Variants in NCK1 observed in about 807,000 individuals in gnomAD.
NCK1 encodes the protein SH2/SH3 adapter protein NCK1.
In NCK1, 19 loss-of-function variants were observed where a neutral mutation model predicts 36.6. That is an observed-to-expected ratio of 0.52 (90% CI 0.36 to 0.76). NCK1 has a LOEUF of 0.76. Ranked by LOEUF, NCK1 falls within the 30% of genes least tolerant of loss-of-function variation. NCK1 has a pLI of 0.00. For missense variants in NCK1, 358 were observed against 445.6 expected (o/e 0.80, Z 1.77); for synonymous variants, 165 against 156.0 (o/e 1.06, Z -0.43).
intron 2 of NCK1, among the ~76,000 whole-genome samples, chr3:136,930,187 G>A (rs377708301): frequency 7.9e-5 from 12 of 152,102 alleles, no homozygotes; most frequent in Middle Eastern, 3.4e-3. Context: ...GATTTGTTTC[G>A]CAATGGTTGT....
chr3:136,900,744 T>C (rs978961380), intron 1 of NCK1, among the ~76,000 whole-genome samples: 4 of 152,196 alleles, frequency 2.6e-5, no homozygotes, highest in African/African-American at 9.7e-5. Context: ...TGGATGCATA[T>C]TGATTTATGT....
intron 1 of NCK1, among the ~76,000 whole-genome samples, chr3:136,890,341 G>A (rs1436328628): frequency 3.3e-5 from 5 of 151,436 alleles, no homozygotes; most frequent in Non-Finnish European, 5.9e-5. Context: ...CAGCTGGCCC[G>A]CCAGCGTTGC....
rs115181303 is a variant in NCK1, at chr3:136,877,646, A to G, written c.-19+15293A>G. Among the ~76,000 whole-genome samples, 438 of 152,346 alleles carry G rather than the reference A, an allele frequency of 2.9e-3. 3 individuals are homozygous for G. The highest frequency in any genetic ancestry group is 0.01 in the African/African-American group (418 of 41,588). ...AGGATACTTTTAGAAGATTTGAACT[A>G]CACAGGTAAAGAGAATAAAGAAAAG... On this transcript the variant is annotated intron_variant, in intron 1 of 3. Coordinates refer to ENST00000481752, the MANE Select transcript of NCK1 (RefSeq NM_001291999.2).
At chr3:136,914,832 G>A (rs1939918429) in intron 1 of NCK1, among the ~76,000 whole-genome samples, 1 of 152,176 alleles carries the variant, frequency 6.6e-6, no homozygotes, top group African/African-American at 2.4e-5. Flanking sequence ...CTAATGGGAG[G>A]TGTTTGGGTC....
chr3:136,946,173 C>T lies in NCK1; in HGVS notation c.817C>T (p.Leu273Phe), dbSNP rs868431322. The T allele has an allele frequency of 1.9e-6, 3 of 1,613,600 alleles. No individual in the cohort carries two copies. In the African/African-American group the frequency reaches 4.0e-5, roughly 22 times the overall value. ...ACAGTGTGATTACATTAGGCCTTCA[C>T]TCACTGGAAAGTTTGCTGGCAATCC... ...PPQCDYIRPSLTGKFAGNPWY... is the reference protein window; with the variant it reads ...PPQCDYIRPSFTGKFAGNPWY... The change falls in exon 3 of 4, where the codon CTC becomes TTC. Residue 273 changes from leucine to phenylalanine, a missense_variant. Physicochemically the swap from Leu to Phe is conservative, Grantham distance 22. This residue lies in a region of NCK1 where 207 missense variants were observed against 253.4 expected (regional missense o/e 0.82). Coordinates refer to ENST00000481752, the MANE Select transcript of NCK1 (RefSeq NM_001291999.2).
chr3:136,883,445 C>T (rs1262546792), intron 1 of NCK1, among the ~76,000 whole-genome samples: 1 of 152,088 alleles, frequency 6.6e-6, no homozygotes, highest in Non-Finnish European at 1.5e-5. Context: ...CCTTAAAATG[C>T]CCACTTAAAT....
At chr3:136,867,664 C>A (rs9878464) in intron 1 of NCK1, 2 of 151,758 alleles carry the variant, frequency 1.3e-5, no homozygotes, top group African/African-American at 4.8e-5. Flanking sequence ...GGAATCCAAC[C>A]TTGTGTTTTA....
intron 1 of NCK1, among the ~76,000 whole-genome samples, chr3:136,916,395 C>A (rs990902365): frequency 1.3e-5 from 2 of 152,126 alleles, no homozygotes; most frequent in Non-Finnish European, 2.9e-5. Context: ...TGAACTCACT[C>A]AAGAGGGATG....
rs531554309 is a variant in NCK1 at position 136,945,733 on chromosome 3, C to T, written c.377C>T (p.Ser126Leu). Residue 126 changes from serine (S) to leucine (L), a missense_variant, in exon 3 of 4, where the codon TCA (serine) becomes TTA (leucine). Physicochemically the swap from Ser to Leu is moderately radical, Grantham distance 145. Transcript: ENST00000481752. ...ATGGCTGAGAGAGAGGATGAATTAT[C>T]ATTGATAAAGGGGACAAAGGTGATC... ...NYMAEREDEL[S>L]LIKGTKVIVM... 1 of 1,614,106 alleles carries T rather than the reference C, an allele frequency of 6.2e-7. No individual in the cohort carries two copies. The highest frequency in any genetic ancestry group is 1.1e-5 in the South Asian group (1 of 91,078).
intron 1 of NCK1, among the ~76,000 whole-genome samples, chr3:136,900,567 T>C (rs1447380806): frequency 6.6e-6 from 1 of 152,196 alleles, no homozygotes; most frequent in African/African-American, 2.4e-5. Context: ...ATGGGATGTC[T>C]TTCCATTTGT....
At chr3:136,904,378 C>T (rs979376538) in intron 1 of NCK1, among the ~76,000 whole-genome samples, 1 of 152,116 alleles carries the variant, frequency 6.6e-6, no homozygotes, top group Non-Finnish European at 1.5e-5. Flanking sequence ...GTCTTGAACT[C>T]CTGGCCTCAA....
intron 1 of NCK1, among the ~76,000 whole-genome samples, chr3:136,915,917 GGTT>G (rs1430849377): frequency 5.3e-5 from 8 of 152,010 alleles, no homozygotes; most frequent in African/African-American, 1.9e-4. Flanking sequence ...GTAGAGACAG[GGTT>G]TCACCACGTT....
chr3:136,930,214 T>C (rs1036407224), intron 2 of NCK1, among the ~76,000 whole-genome samples: 5 of 152,156 alleles, frequency 3.3e-5, no homozygotes, highest in Admixed American at 6.5e-5. Flanking sequence ...GGAGACATTG[T>C]TTGAAAGTTG....
At chr3:136,934,564 G>A (rs892242745) in intron 2 of NCK1, among the ~76,000 whole-genome samples, 1 of 152,046 alleles carries the variant, frequency 6.6e-6, no homozygotes, top group Non-Finnish European at 1.5e-5. Context: ...GGGATTACAG[G>A]TGTGCACCAC....
At chr3:136,931,815 A>G (rs1940397438) in intron 2 of NCK1, among the ~76,000 whole-genome samples, 1 of 152,174 alleles carries the variant, frequency 6.6e-6, no homozygotes, top group South Asian at 2.1e-4. Context: ...GCAACCAGAA[A>G]TGACATAAAA....
chr3:136,902,344 C>A (rs934363829), intron 1 of NCK1, among the ~76,000 whole-genome samples: 13 of 152,010 alleles, frequency 8.6e-5, no homozygotes, highest in Admixed American at 8.5e-4. Flanking sequence ...ACTACAGGTG[C>A]ATGCCACCAT....
chr3:136,913,908 T>TCTGCCCG (rs567779084), intron 1 of NCK1, among the ~76,000 whole-genome samples: 1 of 152,174 alleles, frequency 6.6e-6, no homozygotes, highest in African/African-American at 2.4e-5. Flanking sequence ...GACCTTGTGA[T>TCTGCCCG]CCTGGCCTCC....
intron 1 of NCK1, among the ~76,000 whole-genome samples, chr3:136,880,284 CAA>C (rs573595926): frequency 4.8e-5 from 6 of 126,132 alleles, no homozygotes; most frequent in African/African-American, 1.2e-4. Context: ...GACTCCGTCT[CAA>C]AAAAAAAAAA....
chr3:136,947,786 C>T (rs944707186), intron 3 of NCK1, among the ~76,000 whole-genome samples: 6 of 152,128 alleles, frequency 3.9e-5, no homozygotes, highest in African/African-American at 1.4e-4. Context: ...GATTAATTCT[C>T]ATTTGTGTAT....
Sources: allele counts gnomAD v4.1 joint callset (sites outside exome capture counted in the v4.1 genomes callset), GRCh38; gene constraint gnomAD v4.1.1; regional missense constraint gnomAD v4.1.1; transcripts MANE v1.5; gene names NCBI Gene and HGNC (gene_info 2026-07-23, HGNC 2026-07-21).